The following ADGRB3 variants were observed in gnomAD, a reference collection of about 807,000 sequenced individuals.
ADGRB3 encodes adhesion G protein-coupled receptor B3.
A neutral mutation model predicts 193.4 loss-of-function variants in ADGRB3; 37 were observed. That is an observed-to-expected ratio of 0.19 (90% CI 0.15 to 0.25). The LOEUF is 0.25. Among genes scored for constraint, ADGRB3 ranks in the 10% least tolerant of loss-of-function variants. The pLI is 1.00. For missense variants in ADGRB3, 1,637 were observed against 1,852.9 expected (o/e 0.88, Z 2.14); for synonymous variants, 690 against 644.2 (o/e 1.07, Z -1.08).
Position 68,850,269 on chromosome 6 carries a change from T to G in ADGRB3, c.758-80290T>G, listed in dbSNP as rs145691260. 3.2e-3 allele frequency among the ~76,000 whole-genome samples: 485 copies of G among 152,094 alleles called. 1 individual carries two copies. The highest frequency in any genetic ancestry group is 0.011 in the African/African-American group (476 of 41,552). On this transcript the variant is annotated intron_variant, in intron 3 of 31. Coordinates refer to ENST00000370598, the MANE Select transcript of ADGRB3 (RefSeq NM_001704.3). ...ATACTTGATGCTCAAGCTTTTTTAC[T>G]TTTTTACTCAAGAAGGGCACCTGAG...
At chr6:69,331,896 T>C (rs904668200) in intron 23 of ADGRB3, 6 of 985,162 alleles carry the variant, frequency 6.1e-6, no homozygotes, top group Non-Finnish European at 6.0e-6. Context: ...ATTCTCTTGA[T>C]TAAGTGGTAT....
intron 20 of ADGRB3, among the ~76,000 whole-genome samples, chr6:69,313,395 A>C (rs1768240954): frequency 6.6e-6 from 1 of 151,850 alleles, no homozygotes; most frequent in Admixed American, 6.6e-5. Context: ...TACCAACAAG[A>C]CCATTGATCA....
chr6:69,065,914 T>C (rs1241139763), intron 16 of ADGRB3, among the ~76,000 whole-genome samples: 1 of 151,742 alleles, frequency 6.6e-6, no homozygotes, highest in Non-Finnish European at 1.5e-5. Flanking sequence ...AAAATACAAA[T>C]GTAAAAATAT....
chr6:69,060,767 A>G (rs1771724671), intron 15 of ADGRB3, among the ~76,000 whole-genome samples: 1 of 152,066 alleles, frequency 6.6e-6, no homozygotes, highest in Admixed American at 6.6e-5. Context: ...CTGTCTGTTC[A>G]GGACTGATTC....
intron 3 of ADGRB3, among the ~76,000 whole-genome samples, chr6:68,844,028 G>A (rs1312001206): frequency 6.6e-6 from 1 of 152,138 alleles, no homozygotes; most frequent in Non-Finnish European, 1.5e-5. Context: ...AATGCAAATG[G>A]ATTGAAGACT....
At chr6:69,142,769 C>T (rs1004373845) in intron 17 of ADGRB3, among the ~76,000 whole-genome samples, 3 of 152,178 alleles carry the variant, frequency 2.0e-5, no homozygotes, top group African/African-American at 7.2e-5. Flanking sequence ...GTGAATGTCT[C>T]CTCATGTCTG....
At chr6:69,309,566 A>G (rs1338567059) in intron 20 of ADGRB3, among the ~76,000 whole-genome samples, 1 of 151,698 alleles carries the variant, frequency 6.6e-6, no homozygotes, top group Non-Finnish European at 1.5e-5. Context: ...AATAAGATAG[A>G]TAAGTAGGGC....
intron 29 of ADGRB3, among the ~76,000 whole-genome samples, chr6:69,365,599 TTAGA>T (rs1054181443): frequency 1.3e-5 from 2 of 152,102 alleles, no homozygotes; most frequent in African/African-American, 2.4e-5. Context: ...CTGATAACAG[TTAGA>T]TAGTACATTA....
chr6:68,871,711 T>G (rs1288450520), intron 3 of ADGRB3, among the ~76,000 whole-genome samples: 1 of 152,144 alleles, frequency 6.6e-6, no homozygotes, highest in Non-Finnish European at 1.5e-5. Flanking sequence ...AGTTATTCAC[T>G]TGCATTAGTC....
intron 3 of ADGRB3, among the ~76,000 whole-genome samples, chr6:68,802,208 GTGTA>G (rs1374934192): frequency 7.2e-5 from 11 of 151,838 alleles, no homozygotes; most frequent in African/African-American, 1.9e-4. Flanking sequence ...GTGTGTGTGT[GTGTA>G]TGTGTGTGTG....
At chr6:68,894,005 T>C (rs1582291539) in intron 3 of ADGRB3, among the ~76,000 whole-genome samples, 1 of 151,982 alleles carries the variant, frequency 6.6e-6, no homozygotes, top group Admixed American at 6.6e-5. Context: ...TTTTAGATGA[T>C]ATATTTTAAT....
chr6:69,229,261 A>G (rs1404529913), intron 17 of ADGRB3, among the ~76,000 whole-genome samples: 1 of 152,158 alleles, frequency 6.6e-6, no homozygotes. Context: ...ATCCTTCTAT[A>G]TTATGAGAAT....
chr6:69,238,745 T>C (rs1766325586), intron 19 of ADGRB3, among the ~76,000 whole-genome samples: 1 of 151,834 alleles, frequency 6.6e-6, no homozygotes, highest in Non-Finnish European at 1.5e-5. Context: ...TAAACATACA[T>C]ACACACATAC....
rs1013822429 is a variant in ADGRB3 at position 68,956,297 on chromosome 6, A to ATT, written c.1360+110_1360+111insTT. 3.6e-3 allele frequency: 3,303 copies of ATT among 919,956 alleles called. 89 individuals are homozygous for ATT. In the African/African-American group the frequency reaches 0.05, roughly 14 times the overall value. 57.0% of individuals were successfully genotyped at this position (919,956 alleles called of 1,614,324 possible). ...TCATGAAAGAAGATAATCATTATAT[A>ATT]TATATGTGTGTGTGTGTGTGTGTGT... On this transcript the variant is annotated intron_variant, in intron 7 of 31. Coordinates refer to ENST00000370598, the MANE Select transcript of ADGRB3 (RefSeq NM_001704.3).
At chr6:69,065,991 G>A (rs1771892388) in intron 16 of ADGRB3, among the ~76,000 whole-genome samples, 1 of 151,900 alleles carries the variant, frequency 6.6e-6, no homozygotes, top group Non-Finnish European at 1.5e-5. Context: ...GCAATTTAGA[G>A]ATGATTTCAA....
At chr6:69,164,774 T>C (rs1775088963) in intron 17 of ADGRB3, among the ~76,000 whole-genome samples, 2 of 152,064 alleles carry the variant, frequency 1.3e-5, no homozygotes, top group African/African-American at 2.4e-5. Context: ...GGAACCTCAA[T>C]TTAAGGGGGA....
At chr6:68,697,153 GT>G (rs1419994850) in intron 3 of ADGRB3, among the ~76,000 whole-genome samples, 30 of 151,902 alleles carry the variant, frequency 2.0e-4, no homozygotes, top group African/African-American at 5.6e-4. Context: ...CTAGAAATAA[GT>G]TTTACACTGT....
intron 20 of ADGRB3, among the ~76,000 whole-genome samples, chr6:69,241,351 A>G (rs1373696762): frequency 1.3e-5 from 2 of 151,954 alleles, no homozygotes; most frequent in African/African-American, 4.8e-5. Context: ...AAGACATAAT[A>G]TAAAATATTA....
chr6:68,904,291 C>T (rs1050829617), intron 3 of ADGRB3, among the ~76,000 whole-genome samples: 2 of 152,048 alleles, frequency 1.3e-5, no homozygotes, highest in African/African-American at 4.8e-5. Flanking sequence ...TAATGCATTG[C>T]ACTATGTAAT....
Sources: gnomAD v4.1 joint callset for allele counts (sites outside exome capture counted in the v4.1 genomes callset) on GRCh38, gnomAD v4.1.1 for gene constraint, MANE v1.5 for transcripts, NCBI Gene and HGNC (gene_info 2026-07-23, HGNC 2026-07-21) for gene names.